EYA4: variants seen among roughly 807,000 people sequenced by gnomAD.
The protein encoded by EYA4 is protein phosphatase EYA4.
EYA4 carries 31 observed loss-of-function variants against 87.9 expected under a neutral mutation model. The ratio of observed to expected loss-of-function variants is 0.35; its 90% CI spans 0.27 to 0.48. The LOEUF (loss-of-function observed/expected upper bound fraction) is 0.48. Among genes scored for constraint, EYA4 ranks in the 20% least tolerant of loss-of-function variants. The pLI is 0.99. For synonymous variants in EYA4, 263 were observed against 270.6 expected (o/e 0.97, Z 0.28); for missense variants, 678 against 761.4 (o/e 0.89, Z 1.29).
In EYA4 at chr6:133,412,389, G is replaced by A. The variant is rs1038815606; in HGVS notation, c.83+29948G>A. Reference sequence around the variant, plus strand: ...GTAATCCGTACCCAGAGAAGACATCGAATGTGATCAATTCCCAGAATCCTC... The same window carrying A: ...GTAATCCGTACCCAGAGAAGACATCAAATGTGATCAATTCCCAGAATCCTC... On this transcript the variant is annotated intron_variant, in intron 3 of 19. Coordinates refer to ENST00000355286, the MANE Select transcript of EYA4 (RefSeq NM_004100.5). Among the ~76,000 whole-genome samples the A allele has an allele frequency of 1.6e-4, 24 of 152,190 alleles. No homozygotes were observed. The East Asian group carries it at 3.7e-3, about 23-fold the overall frequency.
At chr6:133,413,384 A>G (rs1037892954) in intron 3 of EYA4, among the ~76,000 whole-genome samples, 2 of 150,480 alleles carry the variant, frequency 1.3e-5, no homozygotes, top group East Asian at 1.9e-4. Flanking sequence ...TGGGTCTCCT[A>G]CCATTTCAGA....
At chr6:133,370,801 T>C (rs535066227) in intron 2 of EYA4, among the ~76,000 whole-genome samples, 5 of 151,516 alleles carry the variant, frequency 3.3e-5, no homozygotes, top group Admixed American at 2.0e-4. Context: ...GTCATCTTGA[T>C]AGATATGTCA....
At chr6:133,276,974 C>T (rs1363783043) in intron 2 of EYA4, among the ~76,000 whole-genome samples, 1 of 150,698 alleles carries the variant, frequency 6.6e-6, no homozygotes, top group Non-Finnish European at 1.5e-5. Flanking sequence ...TGAATGAAAT[C>T]TTTATATGAT....
intron 3 of EYA4, among the ~76,000 whole-genome samples, chr6:133,383,530 A>C (rs1257772297): frequency 9.4e-5 from 14 of 148,704 alleles, no homozygotes; most frequent in African/African-American, 3.5e-4. Context: ...AAAAAAAAAA[A>C]AAAAAAAAAA....
chr6:133,391,080 AG>A (rs914974638), intron 3 of EYA4, among the ~76,000 whole-genome samples: 1 of 152,206 alleles, frequency 6.6e-6, no homozygotes, highest in African/African-American at 2.4e-5. Flanking sequence ...TTAGAAAGTT[AG>A]GGTAGGTTAG....
chr6:133,499,246 C>T (rs956786633), intron 13 of EYA4, among the ~76,000 whole-genome samples: 1 of 152,154 alleles, frequency 6.6e-6, no homozygotes, highest in Non-Finnish European at 1.5e-5. Flanking sequence ...CTATAGCCAT[C>T]TCCTAACATG....
intron 3 of EYA4, among the ~76,000 whole-genome samples, chr6:133,405,540 G>T (rs159421): frequency 0.15 from 23,365 of 152,026 alleles, 1,986 homozygotes; most frequent in East Asian, 0.31. Context: ...ATGTATGAAA[G>T]GTGAATACTC....
chr6:133,463,561 A>T (rs1794592861), intron 9 of EYA4, among the ~76,000 whole-genome samples: 1 of 152,122 alleles, frequency 6.6e-6, no homozygotes, highest in South Asian at 2.1e-4. Context: ...GGGTTTCACC[A>T]TGTTGATCAG....
At chr6:133,269,996 G>A (rs55947866) in intron 1 of EYA4, among the ~76,000 whole-genome samples, 21,636 of 152,136 alleles carry the variant, frequency 0.14, 1,976 homozygotes, top group Non-Finnish European at 0.2. Flanking sequence ...TATAGGCTGG[G>A]AGGCTAGGCC....
intron 2 of EYA4, among the ~76,000 whole-genome samples, chr6:133,307,537 G>T (rs1779901379): frequency 6.6e-6 from 1 of 152,122 alleles, no homozygotes; most frequent in Non-Finnish European, 1.5e-5. Flanking sequence ...GGCAGTTCAA[G>T]CCTTAATACT....
At chr6:133,436,888 A>G (rs185229232) in intron 3 of EYA4, among the ~76,000 whole-genome samples, 1 of 152,212 alleles carries the variant, frequency 6.6e-6, no homozygotes, top group African/African-American at 2.4e-5. Flanking sequence ...CAGAATAAAT[A>G]ATGGCTTCAG....
intron 10 of EYA4, among the ~76,000 whole-genome samples, chr6:133,467,322 C>T (rs887488521): frequency 4.9e-4 from 74 of 152,190 alleles, no homozygotes; most frequent in African/African-American, 1.7e-3. Context: ...CACTTAACCA[C>T]TCTGTGCCTT....
At chr6:133,501,481 C>T (rs1435906722) in intron 13 of EYA4, among the ~76,000 whole-genome samples, 1 of 152,046 alleles carries the variant, frequency 6.6e-6, no homozygotes, top group Non-Finnish European at 1.5e-5. Flanking sequence ...AACCTGTAAG[C>T]CCACTACCTA....
chr6:133,269,113 G>A (rs1776472629), intron 1 of EYA4, among the ~76,000 whole-genome samples: 1 of 152,114 alleles, frequency 6.6e-6, no homozygotes, highest in African/African-American at 2.4e-5. Flanking sequence ...GCAAAAATTA[G>A]CCAGGCGTGG....
chr6:133,302,584 A>G (rs892182725), intron 2 of EYA4, among the ~76,000 whole-genome samples: 18 of 152,200 alleles, frequency 1.2e-4, no homozygotes, highest in African/African-American at 4.3e-4. Flanking sequence ...AGCTTCTGCA[A>G]TGAAGTTGAG....
At chr6:133,371,818 C>T (rs1050571214) in intron 2 of EYA4, among the ~76,000 whole-genome samples, 3 of 152,182 alleles carry the variant, frequency 2.0e-5, no homozygotes, top group South Asian at 2.1e-4. Context: ...TGACTTCCTA[C>T]GTGTATTGAG....
chr6:133,335,468 G>C (rs1433730965), intron 2 of EYA4, among the ~76,000 whole-genome samples: 1 of 152,200 alleles, frequency 6.6e-6, no homozygotes, highest in African/African-American at 2.4e-5. Context: ...ACAAATGACA[G>C]ACTCTGTTCT....
At chr6:133,468,221 C>T (rs1048511379) in intron 10 of EYA4, among the ~76,000 whole-genome samples, 2 of 151,918 alleles carry the variant, frequency 1.3e-5, no homozygotes, top group African/African-American at 4.8e-5. Flanking sequence ...TGAATATGAG[C>T]TGATTCCATC....
chr6:133,422,733 T>C (rs1368697011), intron 3 of EYA4, among the ~76,000 whole-genome samples: 1 of 152,222 alleles, frequency 6.6e-6, no homozygotes, highest in Non-Finnish European at 1.5e-5. Context: ...TTCAAAGATT[T>C]CAATAAAAAT....
Sources: allele counts gnomAD v4.1 joint callset (sites outside exome capture counted in the v4.1 genomes callset), GRCh38; gene constraint gnomAD v4.1.1; transcripts MANE v1.5; gene names NCBI Gene and HGNC (gene_info 2026-07-23, HGNC 2026-07-21).